The following PRICKLE2 variants were observed in gnomAD, a reference collection of about 807,000 sequenced individuals.
PRICKLE2 encodes the protein prickle planar cell polarity protein 2.
Under a neutral mutation model 81.4 loss-of-function variants are expected in PRICKLE2, and 21 were observed. That is an observed-to-expected ratio of 0.26 (90% CI 0.18 to 0.37). The LOEUF (loss-of-function observed/expected upper bound fraction) is 0.37. Ranked by LOEUF, PRICKLE2 falls within the 10% of genes least tolerant of loss-of-function variation. PRICKLE2 has a pLI of 1.00. For missense variants in PRICKLE2, 940 were observed against 1,109.0 expected, an observed-to-expected ratio of 0.85 and a Z score of 2.16; for synonymous variants, 456 against 421.5, an observed-to-expected ratio of 1.08 and a Z score of -1.00.
intron 7 of PRICKLE2, chr3:64,104,401 T>G (rs931852765): frequency 5.9e-5 from 9 of 152,250 alleles, no homozygotes; most frequent in African/African-American, 1.9e-4. Context: ...AACCTAGCTC[T>G]TGAGTAGAAT....
At chr3:64,108,348 T>C (rs1184243893) in intron 7 of PRICKLE2, among the ~76,000 whole-genome samples, 1 of 152,204 alleles carries the variant, frequency 6.6e-6, no homozygotes, top group Non-Finnish European at 1.5e-5. Flanking sequence ...GGTAGCTTGA[T>C]CAGGTCCCTT....
chr3:64,205,997 T>C (rs941748114), intron 1 of PRICKLE2, among the ~76,000 whole-genome samples: 1 of 152,190 alleles, frequency 6.6e-6, no homozygotes, highest in South Asian at 2.1e-4. Flanking sequence ...ATGAAGTAGG[T>C]GCTTGGTAAT....
At chr3:64,174,818 C>A in intron 2 of PRICKLE2, 1 of 215,554 alleles carries the variant, frequency 4.6e-6, no homozygotes, top group South Asian at 8.4e-5. Flanking sequence ...ATAAATATAC[C>A]AAGAAAGAAT....
At chr3:64,213,624 G>T (rs2078827421) in intron 1 of PRICKLE2, among the ~76,000 whole-genome samples, 2 of 152,142 alleles carry the variant, frequency 1.3e-5, no homozygotes, top group South Asian at 4.1e-4. Context: ...GGAACCCCAA[G>T]TTTACTCATT....
chr3:64,222,496 G>A (rs1448630379), intron 1 of PRICKLE2, among the ~76,000 whole-genome samples: 9 of 152,194 alleles, frequency 5.9e-5, no homozygotes, highest in Admixed American at 5.9e-4. Flanking sequence ...CCACTTGTGT[G>A]ACAGAAGTAG....
intron 6 of PRICKLE2, among the ~76,000 whole-genome samples, chr3:64,149,812 G>T (rs893715078): frequency 6.6e-6 from 1 of 152,090 alleles, no homozygotes; most frequent in African/African-American, 2.4e-5. Flanking sequence ...AATTCTTCTC[G>T]TATTAGCTCT....
upstream of PRICKLE2, among the ~76,000 whole-genome samples, chr3:64,226,624 C>A (rs1034430424): frequency 1.3e-5 from 2 of 152,216 alleles, no homozygotes; most frequent in Admixed American, 6.5e-5. Context: ...CACAATATCA[C>A]ATACTCAATA....
At chr3:64,240,992 A>G (rs1444924875) in intron 2 of PRICKLE2, among the ~76,000 whole-genome samples, 1 of 152,128 alleles carries the variant, frequency 6.6e-6, no homozygotes, top group African/African-American at 2.4e-5. Context: ...ACATAAGCAT[A>G]CTATTGGGTC....
chr3:64,255,186 C>T (rs895662705), intron 2 of PRICKLE2, among the ~76,000 whole-genome samples: 2 of 152,190 alleles, frequency 1.3e-5, no homozygotes, highest in Non-Finnish European at 1.5e-5. Flanking sequence ...CATTCCATGT[C>T]CCATGTCTTC....
intron 2 of PRICKLE2, among the ~76,000 whole-genome samples, chr3:64,192,918 G>A (rs2078372204): frequency 6.6e-6 from 1 of 152,198 alleles, no homozygotes; most frequent in African/African-American, 2.4e-5. Flanking sequence ...CATCCACTCA[G>A]GAGAAACAAT....
At chr3:64,210,988 C>T (rs1325768893) in intron 1 of PRICKLE2, among the ~76,000 whole-genome samples, 1 of 152,158 alleles carries the variant, frequency 6.6e-6, no homozygotes, top group Non-Finnish European at 1.5e-5. Flanking sequence ...GAACAGGTAG[C>T]AGCTTTGAGC....
In PRICKLE2 at chr3:64,099,936, G is replaced by A; in HGVS notation, c.1661-11C>T. Reference sequence around the variant, plus strand: ...CATCAGCAGAGAGGCCTGGGGAAGAGAGGAGGGGACCACAGAGATTAATAC... The same window carrying A: ...CATCAGCAGAGAGGCCTGGGGAAGAAAGGAGGGGACCACAGAGATTAATAC... On this transcript the variant is annotated splice_polypyrimidine_tract_variant and intron_variant, in intron 7 of 7. Transcript: ENST00000638394. This position sits in a 1 kb window ranked among gnomAD's most constrained non-coding sequence, Gnocchi z 4.3. 2 of 1,613,856 alleles carry A rather than the reference G, an allele frequency of 1.2e-6. No individual in the cohort carries two copies. Among genetic ancestry groups the A allele is most frequent in the Non-Finnish European group, 1.7e-6 (2 of 1,179,978 alleles).
At chr3:64,152,714 C>T (rs1176383717) in intron 6 of PRICKLE2, among the ~76,000 whole-genome samples, 1 of 152,162 alleles carries the variant, frequency 6.6e-6, no homozygotes, top group East Asian at 1.9e-4. Flanking sequence ...GCTTCCCCCA[C>T]TGCCCTGAGC....
chr3:64,214,295 G>A (rs1575675147), intron 1 of PRICKLE2, among the ~76,000 whole-genome samples: 3 of 152,284 alleles, frequency 2.0e-5, no homozygotes, highest in East Asian at 1.9e-4. Flanking sequence ...GGCTCCGGAC[G>A]ACCCCAGTGG....
chr3:64,203,693 G>A (rs761473757), intron 1 of PRICKLE2, among the ~76,000 whole-genome samples: 1 of 152,074 alleles, frequency 6.6e-6, no homozygotes, highest in Non-Finnish European at 1.5e-5. Context: ...AAGAGACGAT[G>A]GGGAGGGCTG....
rs150386533 is a variant in PRICKLE2 at position 64,147,567 on chromosome 3, C to T, written c.923G>A (p.Arg308Gln). ...GGGGTCTTCCCCAGCACTGCAGGCC[C>T]GTGAGCAGAATATCTGGCCCTGCTT... The part of the protein sequence containing the change: ...LPKQGQIFCS[R>Q]ACSAGEDPNG... Residue 308 changes from arginine to glutamine, a missense_variant, in exon 7 of 8, where the codon CGG (arginine) becomes CAG (glutamine). By Grantham distance (43) the Arg-to-Gln change is conservative. This residue lies in a region of PRICKLE2 where 670 missense variants were observed against 717.2 expected (regional missense o/e 0.93). Coordinates refer to ENST00000638394, the MANE Select transcript of PRICKLE2 (RefSeq NM_198859.4). This position sits in a 1 kb window ranked among gnomAD's most constrained non-coding sequence, Gnocchi z 5.0. The T allele has an allele frequency of 1.1e-4, 171 of 1,614,106 alleles. No homozygotes were observed. Among genetic ancestry groups the T allele is most frequent in the Non-Finnish European group, 1.4e-4 (160 of 1,180,048 alleles).
intron 7 of PRICKLE2, among the ~76,000 whole-genome samples, chr3:64,135,739 T>C (rs704389): frequency 0.74 from 111,626 of 151,792 alleles, 41,169 homozygotes; most frequent in East Asian, 0.88. Context: ...CACACCTGCG[T>C]GCACACACAC....
intron 2 of PRICKLE2, among the ~76,000 whole-genome samples, chr3:64,252,025 T>A (rs377266841): frequency 6.6e-6 from 1 of 152,122 alleles, no homozygotes; most frequent in Admixed American, 6.5e-5. Flanking sequence ...GACCTTCCTA[T>A]GGGTGAATTC....
intron 1 of PRICKLE2, among the ~76,000 whole-genome samples, chr3:64,202,450 G>A (rs2078601251): frequency 6.6e-6 from 1 of 151,960 alleles, no homozygotes; most frequent in South Asian, 2.1e-4. Flanking sequence ...GTGGTTTTTA[G>A]GCACAAGGCT....
Sources: gnomAD v4.1 joint callset for allele counts (sites outside exome capture counted in the v4.1 genomes callset) on GRCh38, gnomAD v4.1.1 for gene constraint, gnomAD v4.1.1 regional missense constraint, Gnocchi (gnomAD v3.1) non-coding constraint, MANE v1.5 for transcripts, NCBI Gene and HGNC (gene_info 2026-07-23, HGNC 2026-07-21) for gene names.